The following CEP135 variants were observed in gnomAD, a reference collection of about 807,000 sequenced individuals.
CEP135 encodes centrosomal protein 135, also known as centrosomal protein of 135 kDa.
In CEP135, 142 loss-of-function variants were observed where a neutral mutation model predicts 157.3. The ratio of observed to expected loss-of-function variants is 0.90; its 90% confidence interval spans 0.79 to 1.04. The LOEUF is 1.04. Ranked by LOEUF, CEP135 falls within the 50% of genes least tolerant of loss-of-function variation. The pLI, the probability that CEP135 is intolerant of heterozygous loss-of-function variation, is 0.00. For missense variants in CEP135, 1,317 were observed against 1,309.2 expected (o/e 1.01, Z -0.09); for synonymous variants, 396 against 439.8 (o/e 0.90, Z 1.25).
intron 15 of CEP135, among the ~76,000 whole-genome samples, chr4:55,993,635 G>C (rs916040534): frequency 2.6e-5 from 4 of 152,164 alleles, no homozygotes; most frequent in African/African-American, 7.2e-5. Context: ...TTGTCATCCA[G>C]AATTTCACTT....
intron 14 of CEP135, among the ~76,000 whole-genome samples, chr4:55,988,696 G>A (rs1577889138): frequency 6.7e-6 from 1 of 149,848 alleles, no homozygotes; most frequent in East Asian, 2.0e-4. Flanking sequence ...GGTGGCTCAC[G>A]CCTGTAATCC....
Position 55,974,830 on chromosome 4 carries a change from C to CTT in CEP135, c.1334_1335insTT (p.Phe446TyrfsTer3). The CTT allele has an allele frequency of 6.2e-7, 1 of 1,613,822 alleles. No homozygotes were observed. Among genetic ancestry groups the CTT allele is most frequent in the South Asian group, 1.1e-5 (1 of 91,050 alleles). On this transcript the variant is annotated frameshift_variant, in exon 11 of 26. Transcript: ENST00000257287. LOFTEE classifies it high-confidence loss of function. ...GACAGGTCACCTTCTCGTTTAGATA[C>CTT]ATTTCTGAAAGGTATAGAAGAAGAA... is the stretch of plus-strand genomic sequence containing the variant.
chr4:55,984,896 C>G (rs1426962383), intron 13 of CEP135, among the ~76,000 whole-genome samples: 9 of 152,134 alleles, frequency 5.9e-5, no homozygotes, highest in Non-Finnish European at 1.2e-4. Context: ...TCTTGTCTTC[C>G]TTTGCATTTT....
rs17797721 is a variant in CEP135 at position 55,954,045 on chromosome 4, T to G, written c.305-171T>G. Among the ~76,000 whole-genome samples the G allele has an allele frequency of 0.073, 11,052 of 152,240 alleles. 508 individuals are homozygous for G. The highest frequency in any genetic ancestry group is 0.085 in the Middle Eastern group (25 of 294). On this transcript the variant is annotated intron_variant, in intron 3 of 25. Coordinates refer to ENST00000257287, the MANE Select transcript of CEP135 (RefSeq NM_025009.5). The stretch of plus-strand genomic sequence containing the variant: ...ATTCTCTTTTGTGCTTAGTGAGTTA[T>G]TTGCAGTTTTGTTAATAATAGTAGA...
rs775731492 is a variant in CEP135 at position 55,965,738 on chromosome 4, T to C, written c.923T>C (p.Leu308Ser). The C allele has an allele frequency of 1.9e-6, 3 of 1,613,762 alleles. No homozygotes were observed. Among genetic ancestry groups the C allele is most frequent in the Non-Finnish European group, 2.5e-6 (3 of 1,179,868 alleles). The stretch of plus-strand genomic sequence containing the variant: ...ACAGTGACATCTGAAGTCGTTAATT[T>C]AAGTAACAAAAATGAAAAACTCTGC... Reference protein sequence around the residue: ...KETVTSEVVNLSNKNEKLCQE... With the variant: ...KETVTSEVVNSSNKNEKLCQE... Residue 308 changes from leucine (L) to serine (S), a missense_variant, in exon 8 of 26, where the codon TTA (leucine) becomes TCA (serine). Transcript: ENST00000257287.
intron 17 of CEP135, among the ~76,000 whole-genome samples, chr4:56,005,354 G>A (rs557934262): frequency 2.0e-4 from 31 of 152,248 alleles, no homozygotes; most frequent in African/African-American, 6.7e-4. Context: ...GAGCCCAGGA[G>A]TTTAAGGCTG....
intron 17 of CEP135, among the ~76,000 whole-genome samples, chr4:56,002,604 T>C (rs1730213615): frequency 6.6e-6 from 1 of 152,210 alleles, no homozygotes; most frequent in Admixed American, 6.5e-5. Context: ...ATGATCTTTG[T>C]AATTTATTTA....
rs186837052 is a variant in CEP135, at chr4:55,991,921, A to T, written c.1858-13A>T. On this transcript the variant is annotated splice_polypyrimidine_tract_variant and intron_variant, in intron 14 of 25. Transcript: ENST00000257287. ...TAAGATATATACCTACTGTTTTTTT[A>T]TTTAAATTATAGCTTGAAAGCGAAA... 7.4e-7 allele frequency: 1 copy of T among 1,344,086 alleles called. No homozygotes were observed. The highest frequency in any genetic ancestry group is 2.4e-5 in the Admixed American group (1 of 41,148). 83.3% of individuals were successfully genotyped at this position (1,344,086 alleles called of 1,614,324 possible). A position where few individuals can be genotyped will look rare whatever the true frequency, so the allele number is the denominator to read the frequency against.
chr4:56,010,048 G>T, intron 19 of CEP135, 145 bp downstream of exon 19: 1 of 934,826 alleles, frequency 1.1e-6, no homozygotes, highest in Non-Finnish European at 1.6e-6. Context: ...GTTTATCAGG[G>T]TATTAAAAAA....
chr4:55,965,956 T>C (rs1728830620), intron 8 of CEP135, 97 bp downstream of exon 8: 3 of 1,083,348 alleles, frequency 2.8e-6, no homozygotes, highest in African/African-American at 3.2e-5. Context: ...AGGTTTTTGG[T>C]TTATTTTGTG....
chr4:55,998,185 A>G (rs1043343015), intron 15 of CEP135, among the ~76,000 whole-genome samples: 3 of 152,104 alleles, frequency 2.0e-5, no homozygotes, highest in Admixed American at 6.5e-5. Flanking sequence ...ATCTTTTTCC[A>G]TGTCTTATTC....
intron 21 of CEP135, among the ~76,000 whole-genome samples, 172 bp downstream of exon 21, chr4:56,012,157 C>T (rs1296250096): frequency 6.6e-6 from 1 of 152,074 alleles, no homozygotes; most frequent in African/African-American, 2.4e-5. Flanking sequence ...TGGGTTCAAG[C>T]GATTCTTCTG....
intron 25 of CEP135, among the ~76,000 whole-genome samples, chr4:56,029,595 G>T (rs1195308514): frequency 1.3e-5 from 2 of 152,176 alleles, no homozygotes; most frequent in Non-Finnish European, 2.9e-5. Flanking sequence ...TTGTGCAAAT[G>T]TCATAGAATG....
Position 55,985,706 on chromosome 4 carries a change from C to A in CEP135, c.1857+348C>A, listed in dbSNP as rs1177830556. ...CTCCTGACCTGACATCGTGATCTGC[C>A]CACCTCGGCCTCCCAAAGTGCTGGG... On this transcript the variant is annotated intron_variant, in intron 14 of 25. Transcript: ENST00000257287. 4.6e-5 allele frequency among the ~76,000 whole-genome samples: 7 copies of A among 152,244 alleles called. No individual in the cohort carries two copies. The East Asian group carries it at 1.4e-3, about 29-fold the overall frequency.
intron 15 of CEP135, among the ~76,000 whole-genome samples, chr4:55,998,255 G>A (rs1388545843): frequency 2.0e-5 from 3 of 152,188 alleles, no homozygotes; most frequent in African/African-American, 4.8e-5. Flanking sequence ...TGAGGTGAGA[G>A]CCATGTCTTT....
At chr4:56,012,864 T>G (rs1730633582) in intron 21 of CEP135, among the ~76,000 whole-genome samples, 1 of 152,222 alleles carries the variant, frequency 6.6e-6, no homozygotes, top group South Asian at 2.1e-4. Flanking sequence ...AGTATACAAA[T>G]ATATCTGTTC....
intron 6 of CEP135, among the ~76,000 whole-genome samples, chr4:55,961,621 G>A (rs187132369): frequency 6.6e-5 from 10 of 151,754 alleles, no homozygotes; most frequent in Admixed American, 1.3e-4. Context: ...AAAATTAGCC[G>A]GGTGTGGTGG....
At chr4:56,008,163 T>C (rs1229462184) in intron 17 of CEP135, among the ~76,000 whole-genome samples, 164 bp from the exon 18 acceptor site, 1 of 152,238 alleles carries the variant, frequency 6.6e-6, no homozygotes, top group Non-Finnish European at 1.5e-5. Context: ...TGCCAGTATG[T>C]GAAGTATGAT....
intron 21 of CEP135, among the ~76,000 whole-genome samples, chr4:56,015,414 C>A (rs1458565760): frequency 6.6e-6 from 1 of 152,176 alleles, no homozygotes; most frequent in South Asian, 2.1e-4. Context: ...ACCACAAGCC[C>A]AGACATCACA....
Sources: gnomAD v4.1 joint callset for allele counts (sites outside exome capture counted in the v4.1 genomes callset) on GRCh38, gnomAD v4.1.1 for gene constraint, MANE v1.5 for transcripts, NCBI Gene and HGNC (gene_info 2026-07-23, HGNC 2026-07-21) for gene names.